Variants in AMOTL1 observed in about 807,000 individuals in gnomAD.
AMOTL1 encodes the protein angiomotin like 1.
A neutral mutation model predicts 102.9 loss-of-function variants in AMOTL1; 45 were observed. The observed-to-expected ratio is 0.44, with a 90% CI of 0.34 to 0.56. The LOEUF is 0.56. Ranked by LOEUF, AMOTL1 falls within the 20% of genes least tolerant of loss-of-function variation. AMOTL1 has a pLI of 0.01. For synonymous variants in AMOTL1, 481 were observed against 484.7 expected, an observed-to-expected ratio of 0.99 and a Z score of 0.10; for missense variants, 1,114 against 1,225.6, an observed-to-expected ratio of 0.91 and a Z score of 1.36.
intron 1 of AMOTL1, among the ~76,000 whole-genome samples, chr11:94,788,058 A>G (rs1951221262): frequency 6.6e-6 from 1 of 152,164 alleles, no homozygotes; most frequent in Non-Finnish European, 1.5e-5. Flanking sequence ...TTGTCCTTGC[A>G]TCATTTCCTC....
chr11:94,717,930 A>T (rs779506948), intron 1 of AMOTL1, among the ~76,000 whole-genome samples: 1 of 151,956 alleles, frequency 6.6e-6, no homozygotes, highest in Non-Finnish European at 1.5e-5. Context: ...CTCAGAATTT[A>T]TAAAGAACAA....
intron 3 of AMOTL1, among the ~76,000 whole-genome samples, chr11:94,760,740 T>C (rs924726822): frequency 6.6e-6 from 1 of 152,224 alleles, no homozygotes; most frequent in Non-Finnish European, 1.5e-5. Context: ...TAGACTTCTT[T>C]ATATGTTTTA....
chr11:94,848,352 G>A (rs1376985449), intron 6 of AMOTL1, among the ~76,000 whole-genome samples: 6 of 152,094 alleles, frequency 3.9e-5, no homozygotes, highest in Non-Finnish European at 5.9e-5. Flanking sequence ...CTGCAGTGGG[G>A]CATAAAGAGC....
chr11:94,864,373 A>G (rs1952835299), intron 9 of AMOTL1, among the ~76,000 whole-genome samples: 2 of 152,078 alleles, frequency 1.3e-5, no homozygotes, highest in African/African-American at 4.8e-5. Context: ...CAGAAGGGGG[A>G]GGGGACTTGA....
At chr11:94,800,348 A>G in intron 3 of AMOTL1, 37 bp downstream of exon 3, 1 of 1,521,760 alleles carries the variant, frequency 6.6e-7, no homozygotes. Context: ...GCGGCTTTTC[A>G]AAATTCAATA....
chr11:94,798,604 T>C (rs558702807), intron 2 of AMOTL1, among the ~76,000 whole-genome samples: 90 of 152,146 alleles, frequency 5.9e-4, no homozygotes, highest in Admixed American at 4.9e-3. Context: ...AGTCAGTAGT[T>C]GACGACGAGG....
chr11:94,822,275 C>T (rs1328111922), intron 4 of AMOTL1, among the ~76,000 whole-genome samples: 1 of 152,168 alleles, frequency 6.6e-6, no homozygotes, highest in Admixed American at 6.5e-5. Context: ...TGCCAAGACC[C>T]TGTCTCTACA....
At chr11:94,784,366 A>G (rs1951153201) in intron 1 of AMOTL1, among the ~76,000 whole-genome samples, 1 of 152,206 alleles carries the variant, frequency 6.6e-6, no homozygotes, top group Non-Finnish European at 1.5e-5. Flanking sequence ...TGTTGTTGAA[A>G]TGAGTGTATA....
chr11:94,784,916 G>GT lies in AMOTL1; in HGVS notation c.50-10094dup, dbSNP rs539949763. ...GCTCCATGAGTGTTTCTGACACACT[G>GT]TAAGTTTGGGATTCATTGTTAAAGT... is the stretch of plus-strand genomic sequence containing the variant. On this transcript the variant is annotated intron_variant, in intron 1 of 12. Transcript: ENST00000433060. Among the ~76,000 whole-genome samples the GT allele has an allele frequency of 4.6e-3, 701 of 151,810 alleles. 14 individuals are homozygous for GT. Among genetic ancestry groups the GT allele is most frequent in the African/African-American group, 0.016 (670 of 41,390 alleles).
chr11:94,728,773 C>T, intron 1 of AMOTL1: 1 of 349,344 alleles, frequency 2.9e-6, no homozygotes, highest in South Asian at 2.4e-5. Context: ...CACACTCAGG[C>T]CATACCCAAA....
intron 1 of AMOTL1, among the ~76,000 whole-genome samples, chr11:94,726,306 G>C (rs192953972): frequency 5.0e-4 from 76 of 152,286 alleles, no homozygotes; most frequent in African/African-American, 1.6e-3. Flanking sequence ...TCCTTTGAGA[G>C]CTTTATGAGA....
chr11:94,707,246 CTCTCTGTGTGTG>C (rs1340490097), intron 1 of AMOTL1, among the ~76,000 whole-genome samples: 10 of 59,918 alleles, frequency 1.7e-4, no homozygotes, highest in Non-Finnish European at 4.6e-4. Flanking sequence ...CTCTCTCTCT[CTCTCTGTGTGTG>C]TGTGTGTGTG....
chr11:94,818,975 CG>C (rs1052144963), intron 3 of AMOTL1, among the ~76,000 whole-genome samples: 5 of 149,888 alleles, frequency 3.3e-5, no homozygotes, highest in African/African-American at 1.2e-4. Context: ...ATCAATTTTC[CG>C]GGATTGTTCT....
intron 3 of AMOTL1, among the ~76,000 whole-genome samples, chr11:94,744,987 G>A (rs1218097485): frequency 1.3e-5 from 2 of 152,032 alleles, no homozygotes; most frequent in African/African-American, 2.4e-5. Flanking sequence ...GTGTTGATTT[G>A]TTGAAATTTA....
intron 3 of AMOTL1, among the ~76,000 whole-genome samples, chr11:94,813,551 C>A (rs1014796219): frequency 6.6e-6 from 1 of 152,248 alleles, no homozygotes; most frequent in Admixed American, 6.5e-5. Flanking sequence ...GTGGGCACAC[C>A]TAAACCATCC....
At position 94,831,454 on chromosome 11, in the gene AMOTL1, C is replaced by T. The variant is rs1952069475; in HGVS notation, c.1561C>T (p.Arg521Ter). Residue 521 changes from arginine to a stop codon, truncating the protein, a stop_gained and splice_region_variant, in exon 6 of 13, where the codon CGA becomes TGA. Coordinates refer to ENST00000433060, the MANE Select transcript of AMOTL1 (RefSeq NM_130847.3). LOFTEE classifies it high-confidence loss of function. ...LHDFNRDLRD[R>*]LETANRQLSS... ...AATCATTTCCTCTTTGTTCATAGAT[C>T]GACTAGAGACTGCTAACAGGCAACT... The T allele has an allele frequency of 1.9e-6, 3 of 1,611,028 alleles. No homozygotes were observed. The highest frequency in any genetic ancestry group is 1.1e-5 in the South Asian group (1 of 90,568).
chr11:94,858,391 G>A (rs1389551438), intron 8 of AMOTL1, among the ~76,000 whole-genome samples: 1 of 152,088 alleles, frequency 6.6e-6, no homozygotes, highest in Non-Finnish European at 1.5e-5. Flanking sequence ...ACAAAATTTG[G>A]TTTACAAAAA....
At chr11:94,755,237 A>G (rs770602947) in intron 3 of AMOTL1, among the ~76,000 whole-genome samples, 1 of 152,094 alleles carries the variant, frequency 6.6e-6, no homozygotes, top group Non-Finnish European at 1.5e-5. Flanking sequence ...AAGACTGCCT[A>G]CTCCTGGACT....
At chr11:94,803,732 G>C (rs1359724400) in intron 3 of AMOTL1, among the ~76,000 whole-genome samples, 4 of 152,146 alleles carry the variant, frequency 2.6e-5, no homozygotes, top group Non-Finnish European at 5.9e-5. Flanking sequence ...TGAATACCAA[G>C]GGATGATCTA....
Sources: gnomAD v4.1 joint callset for allele counts (sites outside exome capture counted in the v4.1 genomes callset) on GRCh38, gnomAD v4.1.1 for gene constraint, MANE v1.5 for transcripts, NCBI Gene and HGNC (gene_info 2026-07-23, HGNC 2026-07-21) for gene names.